PRKCE: variants seen among roughly 807,000 people sequenced by gnomAD.
PRKCE encodes the protein protein kinase C epsilon type.
A neutral mutation model predicts 85.4 loss-of-function variants in PRKCE; 16 were observed. The ratio of observed to expected loss-of-function variants is 0.19; its 90% confidence interval spans 0.13 to 0.28. The LOEUF is 0.28. Among genes scored for constraint, PRKCE ranks in the 10% least tolerant of loss-of-function variants. PRKCE has a pLI of 1.00. For synonymous variants in PRKCE, 388 were observed against 371.5 expected (o/e 1.04, Z -0.51); for missense variants, 573 against 975.2 (o/e 0.59, Z 5.49).
In PRKCE at chr2:46,112,583, A is replaced by G. The variant is rs181111219; in HGVS notation, c.1592+26221A>G. On this transcript the variant is annotated intron_variant, in intron 11 of 14. Coordinates refer to ENST00000306156, the MANE Select transcript of PRKCE (RefSeq NM_005400.3). ...CAGGCTGGAGTGGTACAGTGGCACA[A>G]TCTTGGCTCACTGCAGCCTCCACCA... Among the ~76,000 whole-genome samples, 39 of 151,968 alleles carry G rather than the reference A, an allele frequency of 2.6e-4. No homozygotes were observed. In the East Asian group the frequency reaches 6.2e-3, roughly 24 times the overall value.
At chr2:45,916,327 C>T (rs1246673833) in intron 2 of PRKCE, among the ~76,000 whole-genome samples, 2 of 150,746 alleles carry the variant, frequency 1.3e-5, no homozygotes, top group Non-Finnish European at 2.9e-5. Context: ...GCAGTCCTGA[C>T]CTCCTTATCT....
At chr2:45,987,424 T>C (rs1035299362) in intron 6 of PRKCE, among the ~76,000 whole-genome samples, 1 of 152,176 alleles carries the variant, frequency 6.6e-6, no homozygotes, top group Non-Finnish European at 1.5e-5. Flanking sequence ...GGCCTTTTTT[T>C]CCCCTTGCTG....
chr2:45,681,695 T>C (rs558771445), intron 1 of PRKCE, among the ~76,000 whole-genome samples: 1 of 152,328 alleles, frequency 6.6e-6, no homozygotes, highest in Admixed American at 6.5e-5. Flanking sequence ...GGCTATTTCT[T>C]GGTAATGCAA....
chr2:45,822,132 G>A (rs1021957077), intron 1 of PRKCE, among the ~76,000 whole-genome samples: 3 of 152,182 alleles, frequency 2.0e-5, no homozygotes, highest in Non-Finnish European at 4.4e-5. Flanking sequence ...TTTCAGAAAT[G>A]GTTGTGTAAT....
chr2:45,877,373 C>G (rs1252577569), intron 2 of PRKCE, among the ~76,000 whole-genome samples: 1 of 149,900 alleles, frequency 6.7e-6, no homozygotes, highest in Non-Finnish European at 1.5e-5. Flanking sequence ...TTCGTTATCT[C>G]TTCTCTCTCT....
In PRKCE at chr2:45,774,571, G is replaced by A. The variant is rs184896872; in HGVS notation, c.349-68429G>A. Among the ~76,000 whole-genome samples the A allele has an allele frequency of 1.3e-5, 2 of 152,264 alleles. No homozygotes were observed. The highest frequency in any genetic ancestry group is 3.9e-4 in the East Asian group (2 of 5,178). On this transcript the variant is annotated intron_variant, in intron 1 of 14. Transcript: ENST00000306156. The surrounding 1 kb of genome is among the most constrained non-coding windows in gnomAD (Gnocchi z 4.3). ...GGGGAAAGCTGAATGCCAGGAATCG[G>A]GTGGCTTTTGGTGTGACTGTACAGA...
rs1704906381 is a variant in PRKCE, at chr2:46,003,666, G to A, written c.967-876G>A. On this transcript the variant is annotated intron_variant, in intron 7 of 14. Coordinates refer to ENST00000306156, the MANE Select transcript of PRKCE (RefSeq NM_005400.3). ...TGCCAAACAGGTGTTAGAGACAAGT[G>A]TCACATTGCTTTGCATGAGATAACT... Among the ~76,000 whole-genome samples, 2 of 152,218 alleles carry A rather than the reference G, an allele frequency of 1.3e-5. 1 individual carries two copies. Among genetic ancestry groups the A allele is most frequent in the South Asian group, 4.1e-4 (2 of 4,826 alleles).
intron 1 of PRKCE, among the ~76,000 whole-genome samples, chr2:45,842,746 C>T (rs1435110526): frequency 1.3e-5 from 2 of 152,194 alleles, no homozygotes; most frequent in Non-Finnish European, 2.9e-5. Context: ...GCAAAACTGC[C>T]TCCAGATGTT....
At chr2:46,161,653 G>A (rs571821599) in intron 14 of PRKCE, among the ~76,000 whole-genome samples, 4 of 152,226 alleles carry the variant, frequency 2.6e-5, no homozygotes, top group Non-Finnish European at 4.4e-5. Context: ...AGGGTCTGGG[G>A]TGTGGCAGAG....
intron 14 of PRKCE, among the ~76,000 whole-genome samples, chr2:46,174,655 A>G (rs575922649): frequency 6.6e-6 from 1 of 152,156 alleles, no homozygotes; most frequent in South Asian, 2.1e-4. Flanking sequence ...AGACACACAC[A>G]TGCCCCACTC....
At chr2:45,950,515 A>G (rs1207159621) in intron 2 of PRKCE, among the ~76,000 whole-genome samples, 1 of 151,764 alleles carries the variant, frequency 6.6e-6, no homozygotes, top group Non-Finnish European at 1.5e-5. Context: ...ATGTCACAGC[A>G]CATTTGCATG....
At chr2:45,891,286 C>A (rs1017572113) in intron 2 of PRKCE, among the ~76,000 whole-genome samples, 1 of 151,968 alleles carries the variant, frequency 6.6e-6, no homozygotes, top group African/African-American at 2.4e-5. Flanking sequence ...AGTAATGTAC[C>A]CCCTAGGGTT....
intron 2 of PRKCE, among the ~76,000 whole-genome samples, chr2:45,894,505 G>A (rs1013403445): frequency 2.0e-5 from 3 of 151,258 alleles, no homozygotes; most frequent in African/African-American, 4.9e-5. Flanking sequence ...ATCTTTGCAG[G>A]GTGTGAAGGA....
intron 2 of PRKCE, among the ~76,000 whole-genome samples, chr2:45,892,840 T>C (rs1695832840): frequency 6.6e-6 from 1 of 152,206 alleles, no homozygotes; most frequent in Non-Finnish European, 1.5e-5. Flanking sequence ...AACTTTGATA[T>C]GTACCCTTCT....
At chr2:45,806,780 G>T (rs1351383137) in intron 1 of PRKCE, among the ~76,000 whole-genome samples, 1 of 152,144 alleles carries the variant, frequency 6.6e-6, no homozygotes, top group Non-Finnish European at 1.5e-5. Context: ...CCCCGGGGTG[G>T]GTGAGGAAAT....
At chr2:45,756,633 A>T (rs1207302300) in intron 1 of PRKCE, among the ~76,000 whole-genome samples, 2 of 152,232 alleles carry the variant, frequency 1.3e-5, no homozygotes, top group African/African-American at 4.8e-5. Context: ...TGGTATATCT[A>T]TACAATGGAT....
At chr2:45,980,411 C>T (rs1299327260) in intron 5 of PRKCE, 30 bp downstream of exon 5, 1 of 1,590,788 alleles carries the variant, frequency 6.3e-7, no homozygotes, top group Non-Finnish European at 8.5e-7. Context: ...AAATTCTGGG[C>T]TTCTTCACCG....
At chr2:45,766,929 T>C (rs1684959187) in intron 1 of PRKCE, among the ~76,000 whole-genome samples, 1 of 151,952 alleles carries the variant, frequency 6.6e-6, no homozygotes, top group South Asian at 2.1e-4. Context: ...TAGTCCCAGC[T>C]ACTCAGGAGG....
chr2:45,823,472 A>C (rs1689700904), intron 1 of PRKCE, among the ~76,000 whole-genome samples: 1 of 152,230 alleles, frequency 6.6e-6, no homozygotes, highest in Admixed American at 6.5e-5. Context: ...GAATTAAAGA[A>C]TCAGAGAGTG....
Sources: gnomAD v4.1 joint callset for allele counts (sites outside exome capture counted in the v4.1 genomes callset) on GRCh38, gnomAD v4.1.1 for gene constraint, Gnocchi (gnomAD v3.1) non-coding constraint, MANE v1.5 for transcripts, NCBI Gene and HGNC (gene_info 2026-07-23, HGNC 2026-07-21) for gene names.